Variants in CACNG2 observed in about 807,000 individuals in gnomAD.
The protein encoded by CACNG2 is voltage-dependent calcium channel gamma-2 subunit.
A neutral mutation model predicts 25.9 loss-of-function variants in CACNG2; 3 were observed. The observed-to-expected ratio is 0.12, with a 90% confidence interval of 0.05 to 0.30. CACNG2 has a LOEUF of 0.30. CACNG2 is among the 10% of genes least tolerant of loss of function. The probability of loss-of-function intolerance (pLI) is 1.00; values close to 1 mark genes in which losing one functional copy is unlikely to be tolerated. For synonymous variants in CACNG2, 167 were observed against 173.3 expected, an observed-to-expected ratio of 0.96 and a Z score of 0.29; for missense variants, 341 against 432.5, an observed-to-expected ratio of 0.79 and a Z score of 1.88.
At chr22:36,572,650 T>C (rs1808657153) in intron 2 of CACNG2, among the ~76,000 whole-genome samples, 1 of 150,286 alleles carries the variant, frequency 6.7e-6, no homozygotes. Flanking sequence ...TGCAGTGAGC[T>C]GAGATCAAGC....
In CACNG2 at chr22:36,690,763, C is replaced by CTGA. The variant is rs370089879; in HGVS notation, c.211+11600_211+11602dup. On this transcript the variant is annotated intron_variant, in intron 1 of 3. Transcript: ENST00000300105. ...AGGCCTCACTGGGAAAGAATGCATCCTGATGATGATGATGATGATGACGAT... is the reference window on the plus strand; with the variant it reads ...AGGCCTCACTGGGAAAGAATGCATCCTGATGATGATGATGATGATGATGACGAT... Among the ~76,000 whole-genome samples the CTGA allele has an allele frequency of 2.5e-3, 378 of 152,148 alleles. 2 individuals carry two copies. The highest frequency in any genetic ancestry group is 8.2e-3 in the African/African-American group (339 of 41,516).
intron 1 of CACNG2, among the ~76,000 whole-genome samples, chr22:36,590,079 C>T (rs778585257): frequency 6.6e-6 from 1 of 152,136 alleles, no homozygotes; most frequent in Non-Finnish European, 1.5e-5. Flanking sequence ...AGAGCTTCAC[C>T]CAGCAGGGCC....
At chr22:36,679,036 C>T (rs1392424578) in intron 1 of CACNG2, among the ~76,000 whole-genome samples, 2 of 152,184 alleles carry the variant, frequency 1.3e-5, no homozygotes, top group Admixed American at 6.5e-5. Context: ...CCAGAGGAAA[C>T]GTCACAGCTG....
chr22:36,699,239 A>T (rs969214177), intron 1 of CACNG2, among the ~76,000 whole-genome samples: 1 of 29,180 alleles, frequency 3.4e-5, no homozygotes, highest in Non-Finnish European at 2.0e-4. Flanking sequence ...TTTCAAGTTC[A>T]CACACACACA....
intron 1 of CACNG2, among the ~76,000 whole-genome samples, chr22:36,694,461 G>A (rs889596495): frequency 6.6e-6 from 1 of 152,146 alleles, no homozygotes; most frequent in African/African-American, 2.4e-5. Flanking sequence ...CTGGCATTGG[G>A]GAGCACAGTT....
chr22:36,612,374 G>T (rs1184575840), intron 1 of CACNG2, among the ~76,000 whole-genome samples: 1 of 152,176 alleles, frequency 6.6e-6, no homozygotes, highest in Non-Finnish European at 1.5e-5. Flanking sequence ...TATAACATAA[G>T]GTGCCTGGCA....
At chr22:36,676,247 C>T (rs1441913685) in intron 1 of CACNG2, among the ~76,000 whole-genome samples, 1 of 152,220 alleles carries the variant, frequency 6.6e-6, no homozygotes, top group Admixed American at 6.5e-5. Flanking sequence ...GTACTTTGCA[C>T]TTTGACCTTT....
intron 1 of CACNG2, among the ~76,000 whole-genome samples, chr22:36,628,734 C>G (rs759313697): frequency 6.6e-6 from 1 of 152,082 alleles, no homozygotes; most frequent in Non-Finnish European, 1.5e-5. Flanking sequence ...AAGTGTGAAT[C>G]CTGCTGTTCC....
At chr22:36,591,250 C>T (rs1029163507) in intron 1 of CACNG2, among the ~76,000 whole-genome samples, 6 of 152,104 alleles carry the variant, frequency 3.9e-5, no homozygotes, top group South Asian at 4.2e-4. Flanking sequence ...ACTGTGGTCT[C>T]GATCTCCTGA....
intron 1 of CACNG2, among the ~76,000 whole-genome samples, chr22:36,685,303 G>A (rs1474751962): frequency 2.6e-5 from 4 of 152,058 alleles, no homozygotes; most frequent in East Asian, 1.9e-4. Context: ...GGGCCCGCCC[G>A]CGCCCAGGCA....
intron 1 of CACNG2, among the ~76,000 whole-genome samples, chr22:36,681,296 A>C (rs756201020): frequency 2.0e-5 from 3 of 152,224 alleles, no homozygotes; most frequent in Non-Finnish European, 4.4e-5. Context: ...CCTCGCAGAG[A>C]CTGGACTTTT....
rs544183751 is a variant in CACNG2 at position 36,663,962 on chromosome 22, T to C, written c.211+38404A>G. ...CACAAATCATGGCTAGGAGGGAACA[T>C]ACCTGAGTTCATTAAGGAGCACAAC... On this transcript the variant is annotated intron_variant, in intron 1 of 3. Coordinates refer to ENST00000300105, the MANE Select transcript of CACNG2 (RefSeq NM_006078.5). 2.7e-3 allele frequency among the ~76,000 whole-genome samples: 406 copies of C among 152,272 alleles called. 2 individuals carry two copies. Among genetic ancestry groups the C allele is most frequent in the African/African-American group, 9.3e-3 (387 of 41,552 alleles).
In CACNG2 at chr22:36,685,953, TG is replaced by T. The variant is rs1372518986; in HGVS notation, c.211+16412del. ...ATTTATTCACCAAGAGCTTGAGGTG[TG>T]CCAGGCACTGTGCCGGACAGCCGGT... On this transcript the variant is annotated intron_variant, in intron 1 of 3. Transcript: ENST00000300105. 1.8e-4 allele frequency among the ~76,000 whole-genome samples: 27 copies of T among 152,232 alleles called. 1 individual carries two copies. Among genetic ancestry groups the T allele is most frequent in the Non-Finnish European group, 1.5e-5 (1 of 68,044 alleles).
chr22:36,651,091 C>T (rs8137408), intron 1 of CACNG2, among the ~76,000 whole-genome samples: 21,353 of 152,082 alleles, frequency 0.14, 4,077 homozygotes, highest in African/African-American at 0.44. Flanking sequence ...CTTGTCTCTA[C>T]GTAGCATGTG....
chr22:36,675,251 C>T (rs1937005669), intron 1 of CACNG2, among the ~76,000 whole-genome samples: 1 of 152,006 alleles, frequency 6.6e-6, no homozygotes, highest in South Asian at 2.1e-4. Flanking sequence ...CACTCTGTTG[C>T]CCAGGCTGGT....
chr22:36,639,623 C>T (rs1313273114), intron 1 of CACNG2, among the ~76,000 whole-genome samples: 1 of 152,232 alleles, frequency 6.6e-6, no homozygotes, highest in Non-Finnish European at 1.5e-5. Context: ...TCCTTGTCCT[C>T]TCCATGTAAG....
intron 1 of CACNG2, among the ~76,000 whole-genome samples, chr22:36,691,863 G>A (rs750261229): frequency 7.9e-5 from 12 of 152,258 alleles, no homozygotes; most frequent in Admixed American, 1.3e-4. Flanking sequence ...TGGCAGAACC[G>A]TTGTTTTTCA....
intron 1 of CACNG2, among the ~76,000 whole-genome samples, chr22:36,689,545 T>C (rs1045682760): frequency 2.6e-5 from 4 of 152,224 alleles, no homozygotes; most frequent in African/African-American, 9.6e-5. Context: ...GTCTGACCAT[T>C]CTTTGAGATT....
intron 1 of CACNG2, among the ~76,000 whole-genome samples, chr22:36,679,094 T>C (rs1043200015): frequency 5.3e-5 from 8 of 152,238 alleles, no homozygotes; most frequent in Non-Finnish European, 1.2e-4. Flanking sequence ...TTTAAAGAAA[T>C]CATTTTGTTG....
Sources: allele counts gnomAD v4.1 joint callset (sites outside exome capture counted in the v4.1 genomes callset), GRCh38; gene constraint gnomAD v4.1.1; transcripts MANE v1.5; gene names NCBI Gene and HGNC (gene_info 2026-07-23, HGNC 2026-07-21).